SRPK2: variants seen among roughly 807,000 people sequenced by gnomAD.
The protein encoded by SRPK2 is SFRS protein kinase 2.
In SRPK2, 21 loss-of-function variants were observed where a neutral mutation model predicts 90.8. The ratio of observed to expected loss-of-function variants is 0.23; its 90% CI spans 0.16 to 0.33. SRPK2 has a LOEUF of 0.33. Ranked by LOEUF, SRPK2 falls within the 10% of genes least tolerant of loss-of-function variation. SRPK2 has a pLI of 1.00. For synonymous variants in SRPK2, 288 were observed against 311.1 expected, an observed-to-expected ratio of 0.93 and a Z score of 0.78; for missense variants, 620 against 869.0, an observed-to-expected ratio of 0.71 and a Z score of 3.60.
chr7:105,181,487 G>A (rs1479025688), intron 3 of SRPK2, among the ~76,000 whole-genome samples: 1 of 152,120 alleles, frequency 6.6e-6, no homozygotes, highest in East Asian at 1.9e-4. Context: ...CAGTAGACTG[G>A]ATAAAGAAAC....
intron 2 of SRPK2, among the ~76,000 whole-genome samples, chr7:105,214,350 A>C (rs1167882797): frequency 6.6e-6 from 1 of 152,218 alleles, no homozygotes; most frequent in Non-Finnish European, 1.5e-5. Context: ...GTAAGTTTTA[A>C]AATAAGCAGT....
At chr7:105,347,078 G>C (rs1816551022) in intron 2 of SRPK2, among the ~76,000 whole-genome samples, 1 of 142,628 alleles carries the variant, frequency 7.0e-6, no homozygotes, top group Non-Finnish European at 1.5e-5. Context: ...TTTTTTTTAA[G>C]ATTAAGGTTT....
chr7:105,394,011 C>T (rs149324752), upstream of SRPK2, among the ~76,000 whole-genome samples: 254 of 152,230 alleles, frequency 1.7e-3, 1 homozygote, highest in African/African-American at 5.0e-3. Flanking sequence ...TCCAACTTTC[C>T]CCTGCACTAG....
chr7:105,215,560 A>G (rs2129613858), intron 2 of SRPK2, among the ~76,000 whole-genome samples: 1 of 152,352 alleles, frequency 6.6e-6, no homozygotes, highest in Non-Finnish European at 1.5e-5. Flanking sequence ...ACTTTCTTAT[A>G]GCCTAAAGTA....
intron 15 of SRPK2, among the ~76,000 whole-genome samples, chr7:105,121,567 A>G: frequency 6.6e-6 from 1 of 152,304 alleles, no homozygotes; most frequent in East Asian, 1.9e-4. Context: ...ATCAACTCAC[A>G]CACACACAAG....
chr7:105,311,327 G>C (rs1811687887), intron 2 of SRPK2, among the ~76,000 whole-genome samples: 1 of 152,024 alleles, frequency 6.6e-6, no homozygotes, highest in African/African-American at 2.4e-5. Context: ...CCACCTCCTG[G>C]GTTTAAGCAA....
intron 9 of SRPK2, among the ~76,000 whole-genome samples, chr7:105,144,241 A>ATTT (rs35535485): frequency 0.019 from 2,254 of 117,168 alleles, 145 homozygotes; most frequent in Non-Finnish European, 0.029. Context: ...CACCCGGCTA[A>ATTT]TTTTTTTTTT....
At chr7:105,328,689 C>T (rs909066056) in intron 2 of SRPK2, among the ~76,000 whole-genome samples, 11 of 151,336 alleles carry the variant, frequency 7.3e-5, no homozygotes, top group Non-Finnish European at 1.5e-4. Context: ...ACGGTGAAAC[C>T]CCATCTCTAC....
At chr7:105,115,258 C>G (rs1263207196), downstream of SRPK2, 3 of 152,212 alleles carry the variant, frequency 2.0e-5, no homozygotes, top group African/African-American at 4.8e-5. Flanking sequence ...AAGAAGTTCT[C>G]TACTCCAATG....
chr7:105,226,583 G>T (rs1013512575), intron 2 of SRPK2, among the ~76,000 whole-genome samples: 1 of 152,040 alleles, frequency 6.6e-6, no homozygotes, highest in Admixed American at 6.6e-5. Context: ...CCACCATGCC[G>T]GGCCAAAATT....
chr7:105,374,767 G>A (rs528166895), intron 2 of SRPK2, among the ~76,000 whole-genome samples: 7 of 152,120 alleles, frequency 4.6e-5, no homozygotes, highest in South Asian at 4.2e-4. Context: ...CCGCCACCAC[G>A]CCCAGCTATT....
chr7:105,281,222 G>A (rs968912867), intron 2 of SRPK2, among the ~76,000 whole-genome samples: 5 of 151,420 alleles, frequency 3.3e-5, no homozygotes, highest in African/African-American at 9.7e-5. Flanking sequence ...TCAGCCTCCC[G>A]AGTAGCTGGG....
intron 2 of SRPK2, among the ~76,000 whole-genome samples, chr7:105,335,610 C>T (rs1432760630): frequency 6.7e-6 from 1 of 149,614 alleles, no homozygotes; most frequent in African/African-American, 2.5e-5. Flanking sequence ...TGAGATGGTG[C>T]CACTGCACTC....
intron 2 of SRPK2, among the ~76,000 whole-genome samples, chr7:105,250,877 T>C (rs1178952583): frequency 6.6e-6 from 1 of 152,204 alleles, no homozygotes; most frequent in Non-Finnish European, 1.5e-5. Context: ...TTAAATCTTT[T>C]CTAGCAACTC....
At chr7:105,347,268 C>G (rs1048704964) in intron 2 of SRPK2, among the ~76,000 whole-genome samples, 1 of 151,914 alleles carries the variant, frequency 6.6e-6, no homozygotes, top group Non-Finnish European at 1.5e-5. Context: ...TGCTATGTTG[C>G]CCAGGCTGGT....
At chr7:105,216,868 C>T (rs1563096325) in intron 2 of SRPK2, among the ~76,000 whole-genome samples, 2 of 152,126 alleles carry the variant, frequency 1.3e-5, no homozygotes, top group South Asian at 2.1e-4. Flanking sequence ...AGCCAGTGAC[C>T]ATTTCTCTAG....
chr7:105,160,243 C>A (rs1010770488), intron 7 of SRPK2: 4 of 259,714 alleles, frequency 1.5e-5, no homozygotes, highest in African/African-American at 9.0e-5. Flanking sequence ...TGTACCATGT[C>A]ACATACCTTA....
At chr7:105,319,636 C>T (rs1812711212) in intron 2 of SRPK2, among the ~76,000 whole-genome samples, 1 of 151,210 alleles carries the variant, frequency 6.6e-6, no homozygotes, top group South Asian at 2.1e-4. Context: ...TATTTAAGTC[C>T]TTGTGGAGGA....
rs138060361 is a variant in SRPK2, at chr7:105,377,076, C to T, written c.71+11572G>A. Reference sequence around the variant, plus strand: ...CTAATGATTTTCTAACTGCCAAAAGCAAAGGCCAAGATTAAGGCTCATCTC... The same window carrying T: ...CTAATGATTTTCTAACTGCCAAAAGTAAAGGCCAAGATTAAGGCTCATCTC... On this transcript the variant is annotated intron_variant, in intron 2 of 15. Transcript: ENST00000393651. Among the ~76,000 whole-genome samples, 70 of 152,168 alleles carry T rather than the reference C, an allele frequency of 4.6e-4. No individual in the cohort carries two copies. In the East Asian group the frequency reaches 0.011, roughly 24 times the overall value.
Sources: allele counts gnomAD v4.1 joint callset (sites outside exome capture counted in the v4.1 genomes callset), GRCh38; gene constraint gnomAD v4.1.1; transcripts MANE v1.5; gene names NCBI Gene and HGNC (gene_info 2026-07-23, HGNC 2026-07-21).